XPR1: variants seen among roughly 807,000 people sequenced by gnomAD.
XPR1 encodes the protein solute carrier family 53 member 1.
Under a neutral mutation model 87.5 loss-of-function variants are expected in XPR1, and 28 were observed. The ratio of observed to expected loss-of-function variants is 0.32; its 90% CI spans 0.24 to 0.44. The LOEUF (loss-of-function observed/expected upper bound fraction) is 0.44. Ranked by LOEUF, XPR1 falls within the 20% of genes least tolerant of loss-of-function variation. The pLI, the probability that XPR1 is intolerant of heterozygous loss-of-function variation, is 1.00. For missense variants in XPR1, 559 were observed against 862.3 expected, an observed-to-expected ratio of 0.65 and a Z score of 4.41; for synonymous variants, 300 against 306.1, an observed-to-expected ratio of 0.98 and a Z score of 0.21.
intron 2 of XPR1, among the ~76,000 whole-genome samples, chr1:180,695,215 A>G (rs139358988): frequency 6.6e-6 from 1 of 152,064 alleles, no homozygotes; most frequent in Admixed American, 6.6e-5. Context: ...TGTCCATTCA[A>G]ATCCTTTGCC....
At chr1:180,633,842 C>T (rs1215476250) in intron 1 of XPR1, among the ~76,000 whole-genome samples, 4 of 152,172 alleles carry the variant, frequency 2.6e-5, no homozygotes, top group African/African-American at 9.7e-5. Context: ...TAATTTTCAG[C>T]ACCACTGCCA....
At chr1:180,861,581 T>C (rs1044679205) in intron 11 of XPR1, among the ~76,000 whole-genome samples, 1 of 152,150 alleles carries the variant, frequency 6.6e-6, no homozygotes, top group Non-Finnish European at 1.5e-5. Flanking sequence ...TTCAGCTCAA[T>C]TTGTTTTTAA....
At chr1:180,687,522 T>G (rs1176891962) in intron 2 of XPR1, among the ~76,000 whole-genome samples, 1 of 152,112 alleles carries the variant, frequency 6.6e-6, no homozygotes, top group Non-Finnish European at 1.5e-5. Context: ...TAGTAGCTTC[T>G]TAGTAGGACA....
chr1:180,658,978 T>C (rs1241342478), intron 1 of XPR1, among the ~76,000 whole-genome samples: 1 of 152,228 alleles, frequency 6.6e-6, no homozygotes, highest in East Asian at 1.9e-4. Flanking sequence ...TTGTGATGAA[T>C]GATCTTTTAA....
intron 12 of XPR1, among the ~76,000 whole-genome samples, chr1:180,866,353 G>A (rs1652389918): frequency 6.6e-6 from 1 of 152,130 alleles, no homozygotes; most frequent in Non-Finnish European, 1.5e-5. Flanking sequence ...TCAGTTCTTA[G>A]GGATTAACAG....
At chr1:180,880,659 AT>A (rs1472335060) in intron 14 of XPR1, among the ~76,000 whole-genome samples, 1 of 152,232 alleles carries the variant, frequency 6.6e-6, no homozygotes, top group Non-Finnish European at 1.5e-5. Flanking sequence ...CCTTGACCAA[AT>A]GACTTAATTT....
chr1:180,800,338 G>A (rs185812184), intron 3 of XPR1, among the ~76,000 whole-genome samples: 85 of 152,372 alleles, frequency 5.6e-4, no homozygotes, highest in Non-Finnish European at 1.1e-3. Context: ...CAAAGTATGA[G>A]AGGGACTTGA....
At chr1:180,726,335 G>C (rs1374282221) in intron 2 of XPR1, among the ~76,000 whole-genome samples, 1 of 152,174 alleles carries the variant, frequency 6.6e-6, no homozygotes, top group East Asian at 1.9e-4. Context: ...CCCCTTCCAT[G>C]CTGTGGAAGC....
intron 1 of XPR1, among the ~76,000 whole-genome samples, chr1:180,655,400 C>CTTTTTT (rs994780324): frequency 1.5e-5 from 2 of 131,444 alleles, no homozygotes; most frequent in Non-Finnish European, 3.3e-5. Flanking sequence ...CTCTCTCTCT[C>CTTTTTT]TTTTTTTTTT....
chr1:180,881,198 C>T (rs1433574022), intron 14 of XPR1, among the ~76,000 whole-genome samples: 2 of 151,800 alleles, frequency 1.3e-5, no homozygotes, highest in Non-Finnish European at 2.9e-5. Context: ...GAGTCTCGCT[C>T]TGTTGCCCAG....
At chr1:180,682,456 T>G (rs779347168) in intron 2 of XPR1, 45 bp downstream of exon 2, 1 of 1,530,658 alleles carries the variant, frequency 6.5e-7, no homozygotes, top group Admixed American at 1.9e-5. Context: ...AAACCTCTTT[T>G]TAAGGAAAGA....
intron 2 of XPR1, among the ~76,000 whole-genome samples, chr1:180,730,584 G>C (rs1658520558): frequency 6.6e-6 from 1 of 152,166 alleles, no homozygotes; most frequent in African/African-American, 2.4e-5. Flanking sequence ...GAGTCTGGCA[G>C]CCAGGCTCTA....
chr1:180,736,672 A>T (rs762552551), intron 2 of XPR1, among the ~76,000 whole-genome samples: 1 of 152,200 alleles, frequency 6.6e-6, no homozygotes, highest in Non-Finnish European at 1.5e-5. Flanking sequence ...AAGTGACTTT[A>T]TAAGGAGACA....
rs1185663225 is a variant in XPR1, at chr1:180,803,628, C to T, written c.447+17C>T. On this transcript the variant is annotated intron_variant, in intron 4 of 14. Coordinates refer to ENST00000367590, the MANE Select transcript of XPR1 (RefSeq NM_004736.4). Reference sequence around the variant, plus strand: ...AACTATCAGGTACTTAGATTCTTACCCTAGAAAATGGCACCTTTAAGTAAA... The same window carrying T: ...AACTATCAGGTACTTAGATTCTTACTCTAGAAAATGGCACCTTTAAGTAAA... 1.9e-6 allele frequency: 3 copies of T among 1,594,460 alleles called. No individual in the cohort carries two copies. The Admixed American group carries it at 5.1e-5, about 27-fold the overall frequency.
In XPR1 at chr1:180,785,930, C is replaced by T. The variant is rs1464182128; in HGVS notation, c.122-1823C>T. ...ATCTGTTACCATAGAGCTTCCTTAA[C>T]GCAAACTCAGCTTTAAAAAAAAAAA... On this transcript the variant is annotated intron_variant, in intron 2 of 14. Transcript: ENST00000367590. Among the ~76,000 whole-genome samples, 3 of 149,242 alleles carry T rather than the reference C, an allele frequency of 2.0e-5. No homozygotes were observed. In the East Asian group the frequency reaches 5.8e-4, roughly 29 times the overall value.
intron 1 of XPR1, among the ~76,000 whole-genome samples, chr1:180,664,184 C>CT (rs1557946181): frequency 6.6e-6 from 1 of 152,170 alleles, no homozygotes; most frequent in Non-Finnish European, 1.5e-5. Context: ...GCTCTTCCCT[C>CT]TGTTTTTCTC....
chr1:180,671,501 A>G (rs927367885), intron 1 of XPR1, among the ~76,000 whole-genome samples: 2 of 152,162 alleles, frequency 1.3e-5, no homozygotes, highest in African/African-American at 4.8e-5. Context: ...TATCTGAAGT[A>G]TCTAGTACAG....
intron 1 of XPR1, among the ~76,000 whole-genome samples, chr1:180,635,991 G>C (rs1654745257): frequency 6.6e-6 from 1 of 152,114 alleles, no homozygotes; most frequent in Non-Finnish European, 1.5e-5. Flanking sequence ...TTGATATTTT[G>C]ATCTGTGAAT....
intron 3 of XPR1, among the ~76,000 whole-genome samples, chr1:180,796,334 G>T (rs2102105751): frequency 6.6e-6 from 1 of 152,174 alleles, no homozygotes; most frequent in East Asian, 1.9e-4. Flanking sequence ...CCCTTTGATA[G>T]ATATGAAAAT....
Sources: allele counts gnomAD v4.1 joint callset (sites outside exome capture counted in the v4.1 genomes callset), GRCh38; gene constraint gnomAD v4.1.1; transcripts MANE v1.5; gene names NCBI Gene and HGNC (gene_info 2026-07-23, HGNC 2026-07-21).